PARD3: variants seen among roughly 807,000 people sequenced by gnomAD.
PARD3 encodes partitioning defective 3 homolog.
In PARD3, 75 loss-of-function variants were observed where a neutral mutation model predicts 155.4. The ratio of observed to expected loss-of-function variants is 0.48; its 90% CI spans 0.40 to 0.58. The LOEUF (loss-of-function observed/expected upper bound fraction) is 0.58, where lower values mean the gene tolerates loss of function less well. PARD3 is among the 20% of genes least tolerant of loss of function. The probability of loss-of-function intolerance (pLI) is 0.00; values close to 1 mark genes in which losing one functional copy is unlikely to be tolerated. For missense variants in PARD3, 1,642 were observed against 1,721.7 expected (o/e 0.95, Z 0.82); for synonymous variants, 576 against 610.5 (o/e 0.94, Z 0.83).
At chr10:34,711,077 G>C (rs916602327) in intron 1 of PARD3, among the ~76,000 whole-genome samples, 3 of 152,142 alleles carry the variant, frequency 2.0e-5, no homozygotes, top group African/African-American at 7.2e-5. Context: ...TCCGGAGACT[G>C]AGGCAGGAGG....
At chr10:34,155,028 T>C (rs2132994208) in intron 22 of PARD3, among the ~76,000 whole-genome samples, 1 of 152,306 alleles carries the variant, frequency 6.6e-6, no homozygotes, top group South Asian at 2.1e-4. Context: ...ATAAAGTTAG[T>C]GTATGATTTT....
chr10:34,626,458 T>C (rs1471076907), intron 2 of PARD3, among the ~76,000 whole-genome samples: 1 of 152,210 alleles, frequency 6.6e-6, no homozygotes, highest in Admixed American at 6.5e-5. Context: ...TCTTTTTCAC[T>C]TTCTTTTTGG....
intron 23 of PARD3, among the ~76,000 whole-genome samples, chr10:34,129,685 TGTAATGTCAAGCC>T (rs1564416198): frequency 2.2e-5 from 2 of 91,062 alleles, no homozygotes; most frequent in Non-Finnish European, 5.4e-5. Context: ...CCTTTTTTTT[TGTAATGTCAAGCC>T]TCTTTTTTTT....
intron 22 of PARD3, among the ~76,000 whole-genome samples, chr10:34,159,758 G>C (rs1949185636): frequency 6.6e-6 from 1 of 152,206 alleles, no homozygotes; most frequent in African/African-American, 2.4e-5. Flanking sequence ...AACAATTCTA[G>C]TAGGTGAGTT....
At chr10:34,672,422 A>C (rs1158949243) in intron 2 of PARD3, among the ~76,000 whole-genome samples, 2 of 152,244 alleles carry the variant, frequency 1.3e-5, no homozygotes, top group Non-Finnish European at 2.9e-5. Context: ...CTGATCTTAC[A>C]GAAACAGCTC....
chr10:34,347,980 G>C lies in PARD3; in HGVS notation c.2203C>G (p.Leu735Val). ...CCTGACTCACCCATTATCCTACTGA[G>C]GGCAGCATTTCTGCTGGGCGATTCA... ...LDESPSRNAA[L>V]SRIMGKYQLS... Residue 735 changes from leucine to valine, a missense_variant, in exon 15 of 25, where the codon CTC (leucine) becomes GTC (valine). Physicochemically the swap from Leu to Val is conservative, Grantham distance 32. Coordinates refer to ENST00000374788, the MANE Select transcript of PARD3 (RefSeq NM_001184785.2). 1 of 1,612,536 alleles carries C rather than the reference G, an allele frequency of 6.2e-7. No individual in the cohort carries two copies.
intron 1 of PARD3, among the ~76,000 whole-genome samples, chr10:34,764,926 A>G (rs1020784037): frequency 7.9e-5 from 12 of 152,224 alleles, no homozygotes; most frequent in Non-Finnish European, 1.8e-4. Flanking sequence ...TGCACTGTCC[A>G]TAATCTATGT....
chr10:34,312,176 A>G (rs1957735039), intron 20 of PARD3: 2 of 1,163,834 alleles, frequency 1.7e-6, no homozygotes, highest in Admixed American at 2.6e-5. Flanking sequence ...ATCAAGATCC[A>G]AAAGTTCCAA....
intron 5 of PARD3, among the ~76,000 whole-genome samples, chr10:34,412,219 TCTCAAAGTGCTAGGA>T (rs1845159104): frequency 6.6e-6 from 1 of 152,084 alleles, no homozygotes; most frequent in Non-Finnish European, 1.5e-5. Context: ...CACCTTGGCC[TCTCAAAGTGCTAGGA>T]ATACAGGCAT....
intron 3 of PARD3, among the ~76,000 whole-genome samples, chr10:34,515,720 T>C (rs536395744): frequency 2.4e-4 from 37 of 152,312 alleles, no homozygotes; most frequent in African/African-American, 8.4e-4. Context: ...GCCAAATTAC[T>C]ACAGATTGCT....
At position 34,452,628 on chromosome 10, in the gene PARD3, G is replaced by A. The variant is rs115987440; in HGVS notation, c.583-2180C>T. ...AATCTATGCCATTTTTCCTCTTCCC[G>A]TAAATGGTCTTGTTGGCGCTATGGA... is the stretch of plus-strand genomic sequence containing the variant. On this transcript the variant is annotated intron_variant, in intron 4 of 24. Coordinates refer to ENST00000374788, the MANE Select transcript of PARD3 (RefSeq NM_001184785.2). Among the ~76,000 whole-genome samples, 465 of 152,026 alleles carry A rather than the reference G, an allele frequency of 3.1e-3. 1 individual carries two copies. Among genetic ancestry groups the A allele is most frequent in the African/African-American group, 0.01 (429 of 41,454 alleles).
At chr10:34,353,590 G>C (rs1028610241) in intron 14 of PARD3, among the ~76,000 whole-genome samples, 15 of 152,118 alleles carry the variant, frequency 9.9e-5, no homozygotes, top group African/African-American at 3.6e-4. Flanking sequence ...GAAGGCCGCA[G>C]GGTCCTCTGC....
intron 22 of PARD3, among the ~76,000 whole-genome samples, chr10:34,204,525 C>T (rs1951374220): frequency 6.6e-6 from 1 of 152,172 alleles, no homozygotes. Flanking sequence ...ACCCAAAACT[C>T]AGGGCCCCAA....
intron 5 of PARD3, among the ~76,000 whole-genome samples, chr10:34,419,245 C>A (rs755474726): frequency 6.6e-6 from 1 of 151,910 alleles, no homozygotes; most frequent in East Asian, 1.9e-4. Context: ...AGGCCAGGTG[C>A]GGTGGCTCAT....
chr10:34,412,116 T>A (rs1845143957), intron 5 of PARD3, among the ~76,000 whole-genome samples: 2 of 151,942 alleles, frequency 1.3e-5, no homozygotes, highest in African/African-American at 4.8e-5. Flanking sequence ...GTGTGCATCA[T>A]CGCACCTGGC....
intron 1 of PARD3, among the ~76,000 whole-genome samples, chr10:34,719,777 T>C (rs956219105): frequency 6.6e-6 from 1 of 152,226 alleles, no homozygotes; most frequent in Non-Finnish European, 1.5e-5. Flanking sequence ...CATATTACAA[T>C]GTAGTGATGA....
At chr10:34,492,056 C>T (rs906747007) in intron 3 of PARD3, among the ~76,000 whole-genome samples, 1 of 152,078 alleles carries the variant, frequency 6.6e-6, no homozygotes, top group Non-Finnish European at 1.5e-5. Context: ...TTACAGCAAA[C>T]GAGGTGTGGA....
intron 1 of PARD3, among the ~76,000 whole-genome samples, chr10:34,737,294 T>C (rs2094933408): frequency 6.6e-6 from 1 of 152,192 alleles, no homozygotes; most frequent in Non-Finnish European, 1.5e-5. Context: ...AACTATGTGC[T>C]CAGGCAAGGA....
At chr10:34,598,599 T>C (rs1396365368) in intron 2 of PARD3, among the ~76,000 whole-genome samples, 1 of 152,252 alleles carries the variant, frequency 6.6e-6, no homozygotes, top group Non-Finnish European at 1.5e-5. Flanking sequence ...AAAACATTTA[T>C]TAAGCTGAAC....
Sources: gnomAD v4.1 joint callset for allele counts (sites outside exome capture counted in the v4.1 genomes callset) on GRCh38, gnomAD v4.1.1 for gene constraint, MANE v1.5 for transcripts, NCBI Gene and HGNC (gene_info 2026-07-23, HGNC 2026-07-21) for gene names.